Variants in MSR1 observed in about 807,000 individuals in gnomAD.
MSR1 encodes the protein macrophage scavenger receptor types I and II.
A neutral mutation model predicts 47.2 loss-of-function variants in MSR1; 53 were observed. The observed-to-expected ratio is 1.12, with a 90% CI of 0.90 to 1.41. The LOEUF (loss-of-function observed/expected upper bound fraction) is 1.41. MSR1 is among the 40% of genes most tolerant of loss of function. MSR1 has a pLI of 0.00. For synonymous variants in MSR1, 239 were observed against 185.6 expected (o/e 1.29, Z -2.34); for missense variants, 786 against 546.9 (o/e 1.44, Z -4.36).
intron 8 of MSR1, among the ~76,000 whole-genome samples, chr8:16,123,931 C>T (rs1010633387): frequency 5.9e-5 from 9 of 152,028 alleles, no homozygotes. Flanking sequence ...TTTTTTGTTG[C>T]AAGCTAGATA....
intron 6 of MSR1, among the ~76,000 whole-genome samples, chr8:16,154,126 T>C (rs1198788713): frequency 6.6e-6 from 1 of 151,854 alleles, no homozygotes; most frequent in Non-Finnish European, 1.5e-5. Context: ...CTTCTCATTT[T>C]CAAAAATTTT....
intron 8 of MSR1, chr8:16,140,381 C>G (rs763720266): frequency 9.1e-6 from 9 of 985,292 alleles, no homozygotes; most frequent in Non-Finnish European, 1.1e-5. Flanking sequence ...GCTGATTCCT[C>G]AGTAAAAATC....
chr8:16,183,894 T>C (rs1057191937), intron 1 of MSR1, among the ~76,000 whole-genome samples: 4 of 141,184 alleles, frequency 2.8e-5, no homozygotes, highest in South Asian at 4.4e-4. Context: ...ATATAATATA[T>C]AATTATATAT....
chr8:16,130,417 C>G (rs1800228803), intron 8 of MSR1, among the ~76,000 whole-genome samples: 1 of 152,164 alleles, frequency 6.6e-6, no homozygotes, highest in Admixed American at 6.5e-5. Flanking sequence ...TCTGCCCCCA[C>G]TTAGATGAGC....
At chr8:16,141,904 A>G (rs1428350748) in intron 8 of MSR1, among the ~76,000 whole-genome samples, 2 of 152,186 alleles carry the variant, frequency 1.3e-5, no homozygotes, top group Non-Finnish European at 2.9e-5. Context: ...GGAAAAGGAG[A>G]TAAAAACAAA....
intron 8 of MSR1, among the ~76,000 whole-genome samples, chr8:16,134,558 A>C (rs569729952): frequency 6.6e-6 from 1 of 152,220 alleles, no homozygotes; most frequent in East Asian, 1.9e-4. Flanking sequence ...CTCCTCAGGC[A>C]TCCCTATTCC....
chr8:16,168,421 G>C (rs746294145), intron 4 of MSR1, 37 bp downstream of exon 4: 3 of 1,610,550 alleles, frequency 1.9e-6, no homozygotes, highest in African/African-American at 2.7e-5. Context: ...GATGGATTCA[G>C]TTCCAGCAAG....
intron 3 of MSR1, 131 bp from the exon 4 acceptor site, chr8:16,169,001 G>T (rs985875129): frequency 7.6e-6 from 7 of 922,892 alleles, no homozygotes; most frequent in Non-Finnish European, 1.2e-5. Context: ...AGGCTAAATC[G>T]AGTATTTTTT....
At chr8:16,183,609 GC>G (rs1801903426) in intron 1 of MSR1, among the ~76,000 whole-genome samples, 1 of 123,288 alleles carries the variant, frequency 8.1e-6, no homozygotes, top group African/African-American at 3.2e-5. Flanking sequence ...TATATAATAG[GC>G]AAATATATAA....
intron 8 of MSR1, among the ~76,000 whole-genome samples, chr8:16,127,653 C>A (rs1256831469): frequency 2.6e-5 from 4 of 151,986 alleles, no homozygotes; most frequent in African/African-American, 9.7e-5. Flanking sequence ...GATAATGCCA[C>A]ACAAGAGCTG....
intron 5 of MSR1, among the ~76,000 whole-genome samples, chr8:16,159,453 G>A (rs1432107526): frequency 6.6e-6 from 1 of 151,742 alleles, no homozygotes; most frequent in East Asian, 1.9e-4. Flanking sequence ...TTTGAGAAAT[G>A]TATTAAAAAA....
Position 16,168,578 on chromosome 8 carries a change from C to T in MSR1, c.510G>A (p.Gly170=), listed in dbSNP as rs1305579860. The T allele has an allele frequency of 3.1e-6, 5 of 1,613,968 alleles. No homozygotes were observed. Among genetic ancestry groups the T allele is most frequent in the South Asian group, 1.1e-5 (1 of 91,082 alleles). The part of the protein sequence containing the change: ...STLFSSVQGH[G]NAIDEISKSL... ...ACTTGGAGATTTCATCTATTGCATT[C>T]CCATGTCCCTGGACTGAGGAAAACA... The change falls in exon 4 of 10, where the codon GGG becomes GGA. Residue 170 remains glycine, a synonymous_variant. Coordinates refer to ENST00000262101, the MANE Select transcript of MSR1 (RefSeq NM_138715.3).
intron 1 of MSR1, among the ~76,000 whole-genome samples, chr8:16,179,791 C>T (rs969924519): frequency 6.9e-6 from 1 of 144,820 alleles, no homozygotes; most frequent in Admixed American, 7.3e-5. Flanking sequence ...GCAGTAAAAT[C>T]GCTTGTACCC....
At chr8:16,146,180 A>G (rs2117120894) in intron 7 of MSR1, among the ~76,000 whole-genome samples, 1 of 152,110 alleles carries the variant, frequency 6.6e-6, no homozygotes, top group South Asian at 2.1e-4. Flanking sequence ...CGTTTCTTTC[A>G]AGCTACTTTC....
At chr8:16,169,345 A>G (rs1403234222) in intron 3 of MSR1, among the ~76,000 whole-genome samples, 1 of 152,174 alleles carries the variant, frequency 6.6e-6, no homozygotes, top group Non-Finnish European at 1.5e-5. Flanking sequence ...GTCATGCATA[A>G]TATGGATAAA....
At chr8:16,165,838 A>G (rs1014246563) in intron 4 of MSR1, among the ~76,000 whole-genome samples, 1 of 152,094 alleles carries the variant, frequency 6.6e-6, no homozygotes, top group African/African-American at 2.4e-5. Flanking sequence ...TTATTGCTCT[A>G]ACTGTGCCTT....
At chr8:16,166,164 C>A (rs200450078) in intron 4 of MSR1, among the ~76,000 whole-genome samples, 1 of 71,300 alleles carries the variant, frequency 1.4e-5, no homozygotes, top group African/African-American at 5.6e-5. Context: ...CTTTTTCTTT[C>A]TTTTTTTTTT....
At chr8:16,117,270 G>A (rs959580934) in intron 9 of MSR1, among the ~76,000 whole-genome samples, 1 of 152,154 alleles carries the variant, frequency 6.6e-6, no homozygotes, top group Non-Finnish European at 1.5e-5. Context: ...TTACACATGT[G>A]AGGGATCTAG....
intron 8 of MSR1, among the ~76,000 whole-genome samples, chr8:16,132,400 G>A (rs1207595402): frequency 2.0e-5 from 3 of 151,944 alleles, no homozygotes; most frequent in African/African-American, 7.3e-5. Context: ...CAAGACTATG[G>A]GGTTTTCTAG....
Sources: allele counts gnomAD v4.1 joint callset (sites outside exome capture counted in the v4.1 genomes callset), GRCh38; gene constraint gnomAD v4.1.1; transcripts MANE v1.5; gene names NCBI Gene and HGNC (gene_info 2026-07-23, HGNC 2026-07-21).